Variants in CER1 observed in about 807,000 individuals in gnomAD.
CER1 encodes cerberus 1, DAN family BMP antagonist, also known as cerberus.
A neutral mutation model predicts 11.8 loss-of-function variants in CER1; 10 were observed. The observed-to-expected ratio is 0.85, with a 90% CI of 0.52 to 1.44. The LOEUF is 1.44. CER1 is among the 40% of genes most tolerant of loss of function. The probability of loss-of-function intolerance (pLI) is 0.00; values close to 1 mark genes in which losing one functional copy is unlikely to be tolerated. For missense variants in CER1, 431 were observed against 327.0 expected, an observed-to-expected ratio of 1.32 and a Z score of -2.45; for synonymous variants, 141 against 122.3, an observed-to-expected ratio of 1.15 and a Z score of -1.01.
Position 14,720,241 on chromosome 9 carries a change from T to C in CER1, c.653A>G (p.His218Arg). 6.2e-7 allele frequency: 1 copy of C among 1,614,116 alleles called. No individual in the cohort carries two copies. The highest frequency in any genetic ancestry group is 1.3e-5 in the African/African-American group (1 of 75,042). ...HCLPAKFTTM[H>R]LPLNCTELSS... ...AAGTTCAGTGCAGTTCAGTGGCAAGTGCATCGTGGTGAACTTGGCAGGCAA... is the reference window on the plus strand; with the variant it reads ...AAGTTCAGTGCAGTTCAGTGGCAAGCGCATCGTGGTGAACTTGGCAGGCAA... Residue 218 changes from histidine to arginine, a missense_variant, in exon 2 of 2, where the codon CAC becomes CGC. His to Arg is a conservative substitution (Grantham distance 29). Coordinates refer to ENST00000380911, the MANE Select transcript of CER1 (RefSeq NM_005454.3).
chr9:14,719,586 C>T (rs1371377428), downstream of CER1: 3 of 138,504 alleles, frequency 2.2e-5, no homozygotes, highest in African/African-American at 1.0e-4. Flanking sequence ...TTCCTTCCTT[C>T]CTTCCTTCCT....
chr9:14,718,513 T>C (rs993381900), downstream of CER1, among the ~76,000 whole-genome samples: 2 of 152,156 alleles, frequency 1.3e-5, no homozygotes, highest in Non-Finnish European at 2.9e-5. Flanking sequence ...CATGTTGATG[T>C]GTTACAAAAT....
At position 14,722,210 on chromosome 9, in the gene CER1, G is replaced by C. The variant is rs747813903; in HGVS notation, c.463C>G (p.His155Asp). 1.2e-6 allele frequency: 2 copies of C among 1,614,162 alleles called. No homozygotes were observed. Among genetic ancestry groups the C allele is most frequent in the Non-Finnish European group, 1.7e-6 (2 of 1,180,022 alleles). Residue 155 changes from histidine to aspartate, a missense_variant, in exon 1 of 2, where the codon CAT (histidine) becomes GAT (aspartate). By Grantham distance (81) the His-to-Asp change is moderately conservative (BLOSUM62 -1). Transcript: ENST00000380911. ...SQGVILPIKS[H>D]EVHWETCRTV... ...CTGCAGGTCTCCCAATGTACTTCATGGCTTTTGATGGGCAAGATGACCCCC... is the reference window on the plus strand; with the variant it reads ...CTGCAGGTCTCCCAATGTACTTCATCGCTTTTGATGGGCAAGATGACCCCC...
chr9:14,718,432 C>T (rs1359271033), downstream of CER1, among the ~76,000 whole-genome samples: 1 of 152,096 alleles, frequency 6.6e-6, no homozygotes, highest in Admixed American at 6.6e-5. Flanking sequence ...GCTAGGTTGC[C>T]TTTGACCACC....
chr9:14,719,956 G>A lies in CER1; in HGVS notation c.*134C>T, dbSNP rs1728185363. Reference sequence around the variant, plus strand: ...CTAGACTAATATCATTTCCTCTATCGTTCTAATTTAAAACTACGTTTCAAG... The same window carrying A: ...CTAGACTAATATCATTTCCTCTATCATTCTAATTTAAAACTACGTTTCAAG... On this transcript the variant is annotated 3_prime_UTR_variant, in exon 2 of 2. Coordinates refer to ENST00000380911, the MANE Select transcript of CER1 (RefSeq NM_005454.3). The A allele has an allele frequency of 7.8e-6, 6 of 765,640 alleles. No homozygotes were observed. The highest frequency in any genetic ancestry group is 1.7e-5 in the African/African-American group (1 of 57,528). The allele number at this position is 765,640 out of a possible 1,614,324, so 47.4% of individuals were successfully genotyped here. A position where few individuals can be genotyped will look rare whatever the true frequency, so the allele number is the denominator to read the frequency against.
At position 14,722,255 on chromosome 9, in the gene CER1, T is replaced by A; in HGVS notation, c.418A>T (p.Arg140Ter). The A allele has an allele frequency of 6.2e-7, 1 of 1,614,260 alleles. No homozygotes were observed. Among genetic ancestry groups the A allele is most frequent in the Non-Finnish European group, 8.5e-7 (1 of 1,180,036 alleles). ...ACCCCCTGAGAAGCCGGAGTTTTTC[T>A]GAACATGAAGTGGTGCCAGAATTTC... is the stretch of plus-strand genomic sequence containing the variant. The part of the protein sequence containing the change: ...AKKFWHHFMF[R>*]KTPASQGVIL... Residue 140 changes from arginine (R) to a stop codon, truncating the protein, a stop_gained, in exon 1 of 2, where the codon AGA becomes TGA. Coordinates refer to ENST00000380911, the MANE Select transcript of CER1 (RefSeq NM_005454.3). LOFTEE classifies it high-confidence loss of function.
downstream of CER1, among the ~76,000 whole-genome samples, chr9:14,717,710 G>C (rs754839908): frequency 6.6e-6 from 1 of 152,120 alleles, no homozygotes; most frequent in Non-Finnish European, 1.5e-5. Flanking sequence ...CTAGGTAAGT[G>C]GTAAAAAGAA....
chr9:14,717,370 T>C (rs930932290), downstream of CER1, among the ~76,000 whole-genome samples: 1 of 152,168 alleles, frequency 6.6e-6, no homozygotes, highest in Admixed American at 6.5e-5. Flanking sequence ...AATTTCAGTG[T>C]TATATTATTA....
downstream of CER1, chr9:14,719,591 C>CTTCT (rs1563780050): frequency 4.0e-4 from 59 of 148,390 alleles, no homozygotes; most frequent in African/African-American, 1.5e-3. Context: ...TCCTTCCTTC[C>CTTCT]TTCCTTCCTT....
rs147692802 is a variant in CER1, at chr9:14,720,342, G to C, written c.552C>G (p.Asn184Lys). 19 of 1,613,650 alleles carry C rather than the reference G, an allele frequency of 1.2e-5. No homozygotes were observed. In the South Asian group the frequency reaches 2.1e-4, roughly 18 times the overall value. The change falls in exon 2 of 2, where the codon AAC becomes AAG. Residue 184 changes from asparagine to lysine, a missense_variant. Physicochemically the swap from Asn to Lys is moderately conservative, Grantham distance 94. Coordinates refer to ENST00000380911, the MANE Select transcript of CER1 (RefSeq NM_005454.3). Reference sequence around the variant, plus strand: ...CAGACCCGCATTTCCCAAAGCAAAGGTTGTTCTGAACAACTACTTTTTCAC... The same window carrying C: ...CAGACCCGCATTTCCCAAAGCAAAGCTTGTTCTGAACAACTACTTTTTCAC... ...EGCEKVVVQNNLCFGKCGSVH... is the reference protein window; with the variant it reads ...EGCEKVVVQNKLCFGKCGSVH...
At chr9:14,721,547 A>G (rs945390761) in intron 1 of CER1, among the ~76,000 whole-genome samples, 1 of 152,220 alleles carries the variant, frequency 6.6e-6, no homozygotes, top group Non-Finnish European at 1.5e-5. Context: ...ATAATACTAG[A>G]AATGATATGA....
At chr9:14,721,629 C>G (rs994820751) in intron 1 of CER1, among the ~76,000 whole-genome samples, 1 of 152,126 alleles carries the variant, frequency 6.6e-6, no homozygotes, top group Non-Finnish European at 1.5e-5. Context: ...AAAGAAGTCC[C>G]TCATAAACCT....
At position 14,720,451 on chromosome 9, in the gene CER1, A is replaced by C; in HGVS notation, c.508-65T>G. 9 of 1,425,044 alleles carry C rather than the reference A, an allele frequency of 6.3e-6. No individual in the cohort carries two copies. In the South Asian group the frequency reaches 9.3e-5, roughly 15 times the overall value. 88.3% of individuals were successfully genotyped at this position (1,425,044 alleles called of 1,614,324 possible). A position where few individuals can be genotyped will look rare whatever the true frequency, so the allele number is the denominator to read the frequency against. On this transcript the variant is annotated intron_variant, in intron 1 of 1. Coordinates refer to ENST00000380911, the MANE Select transcript of CER1 (RefSeq NM_005454.3). The stretch of plus-strand genomic sequence containing the variant: ...ATTTCTTTAACACACATAATGCAGA[A>C]GCTATGGACTGTAAATCTGAGGATA...
chr9:14,722,071 C>A, intron 1 of CER1, 95 bp downstream of exon 1: 2 of 1,377,662 alleles, frequency 1.5e-6, no homozygotes, highest in Non-Finnish European at 9.9e-7. Flanking sequence ...AAGCTAGAGT[C>A]AGGCTCCTGA....
rs758138721 is a variant in CER1, at chr9:14,722,443, T to C, written c.230A>G (p.Glu77Gly). Residue 77 changes from glutamate (E) to glycine (G), a missense_variant, in exon 1 of 2, where the codon GAG becomes GGG. By Grantham distance (98) the Glu-to-Gly change is moderately conservative. Coordinates refer to ENST00000380911, the MANE Select transcript of CER1 (RefSeq NM_005454.3). ...CCTGCCAAATCTGGACAGCATCTTC[T>C]CTCTCTGCCTCTGGCCTTCCCCTGC... is the stretch of plus-strand genomic sequence containing the variant. ...SPAGEGQRQR[E>G]KMLSRFGRFW... The C allele has an allele frequency of 1.9e-6, 3 of 1,614,080 alleles. No individual in the cohort carries two copies. Among genetic ancestry groups the C allele is most frequent in the African/African-American group, 2.7e-5 (2 of 74,942 alleles).
At position 14,720,291 on chromosome 9, in the gene CER1, G is replaced by C; in HGVS notation, c.603C>G (p.His201Gln). Residue 201 changes from histidine to glutamine, a missense_variant, in exon 2 of 2, where the codon CAC becomes CAG. Transcript: ENST00000380911. ...GSVHFPGAAQ[H>Q]SHTSCSHCLP... ...AACAGTGAGAGCAGGAGGTATGGGA[G>C]TGCTGCGCGGCTCCAGGAAAATGAA... 2.5e-6 allele frequency: 4 copies of C among 1,614,142 alleles called. No individual in the cohort carries two copies. The highest frequency in any genetic ancestry group is 3.4e-6 in the Non-Finnish European group (4 of 1,180,040).
rs763019548 is a variant in CER1, at chr9:14,722,594, G to C, written c.79C>G (p.Gln27Glu). The C allele has an allele frequency of 2.5e-6, 4 of 1,611,642 alleles. No individual in the cohort carries two copies. In the African/African-American group the frequency reaches 5.3e-5, roughly 22 times the overall value. Residue 27 changes from glutamine to glutamate, a missense_variant, in exon 1 of 2, where the codon CAG becomes GAG. Physicochemically the swap from Gln to Glu is conservative, Grantham distance 29 (BLOSUM62 2). Transcript: ENST00000380911. Reference sequence around the variant, plus strand: ...AGGAGTACGGGGGAAAGAGAACTCTGATTCTGGCGGCCATCCTGGTGCCGT... The same window carrying C: ...AGGAGTACGGGGGAAAGAGAACTCTCATTCTGGCGGCCATCCTGGTGCCGT... The part of the protein sequence containing the change: ...TTRHQDGRQN[Q>E]SSLSPVLLPR...
rs779558122 is a variant in CER1, at chr9:14,722,289, T to G, written c.384A>C (p.Glu128Asp). ...AGTGGTGCCAGAATTTCTTGGCTTCTTCCCGAAGAGGAGATTTCTCCATTT... is the reference window on the plus strand; with the variant it reads ...AGTGGTGCCAGAATTTCTTGGCTTCGTCCCGAAGAGGAGATTTCTCCATTT... ...GMKMEKSPLR[E>D]EAKKFWHHFM... Residue 128 changes from glutamate (E) to aspartate (D), a missense_variant, in exon 1 of 2, where the codon GAA (glutamate) becomes GAC (aspartate). Coordinates refer to ENST00000380911, the MANE Select transcript of CER1 (RefSeq NM_005454.3). The G allele has an allele frequency of 1.2e-6, 2 of 1,614,240 alleles. No homozygotes were observed. Among genetic ancestry groups the G allele is most frequent in the South Asian group, 2.2e-5 (2 of 91,084 alleles).
At position 14,720,097 on chromosome 9, in the gene CER1, GA is replaced by G. The variant is rs1216270059; in HGVS notation, c.796del (p.Ser266GlnfsTer11). On this transcript the variant is annotated frameshift_variant, in exon 2 of 2. Transcript: ENST00000380911. LOFTEE classifies it high-confidence loss of function. ...GSQDSFIPGV[S>X]A ...TAATAGTGGGATAGCTCTTCAAGCT[GA>G]AACTCCTGGGATAAAGGAATCCTGG... The G allele has an allele frequency of 6.2e-7, 1 of 1,612,262 alleles. No homozygotes were observed. The highest frequency in any genetic ancestry group is 1.3e-5 in the African/African-American group (1 of 75,000).
Sources: allele counts gnomAD v4.1 joint callset (sites outside exome capture counted in the v4.1 genomes callset), GRCh38; gene constraint gnomAD v4.1.1; transcripts MANE v1.5; gene names NCBI Gene and HGNC (gene_info 2026-07-23, HGNC 2026-07-21).